Variants in TBC1D22A observed in about 807,000 individuals in gnomAD.
The protein encoded by TBC1D22A is putative GTPase activator.
Under a neutral mutation model 60.2 loss-of-function variants are expected in TBC1D22A, and 38 were observed. The ratio of observed to expected loss-of-function variants is 0.63; its 90% CI spans 0.49 to 0.83. TBC1D22A has a LOEUF of 0.83. TBC1D22A is among the 40% of genes least tolerant of loss of function. TBC1D22A has a pLI of 0.00. For missense variants in TBC1D22A, 628 were observed against 701.0 expected (o/e 0.90, Z 1.18); for synonymous variants, 302 against 281.7 (o/e 1.07, Z -0.72).
At chr22:47,035,307 C>A (rs2062618530) in intron 10 of TBC1D22A, among the ~76,000 whole-genome samples, 1 of 152,160 alleles carries the variant, frequency 6.6e-6, no homozygotes, top group African/African-American at 2.4e-5. Context: ...AGAGGCAGCG[C>A]ACAGTGGTGG....
intron 11 of TBC1D22A, among the ~76,000 whole-genome samples, chr22:47,071,262 C>T (rs1456924777): frequency 6.6e-6 from 1 of 152,240 alleles, no homozygotes; most frequent in African/African-American, 2.4e-5. Flanking sequence ...TTTAAGCCTC[C>T]CAGGAGCTTG....
chr22:47,129,683 A>G (rs2066613690), intron 12 of TBC1D22A, among the ~76,000 whole-genome samples: 1 of 152,208 alleles, frequency 6.6e-6, no homozygotes, highest in African/African-American at 2.4e-5. Flanking sequence ...GGCTGTTCCC[A>G]AGTATTAATG....
At chr22:46,846,614 C>G (rs535315929) in intron 4 of TBC1D22A, among the ~76,000 whole-genome samples, 16 of 152,344 alleles carry the variant, frequency 1.1e-4, no homozygotes, top group South Asian at 6.2e-4. Flanking sequence ...AAATTTCAAA[C>G]ATGCACAAAG....
chr22:46,920,294 G>A (rs897278066), intron 8 of TBC1D22A, among the ~76,000 whole-genome samples: 28 of 152,016 alleles, frequency 1.8e-4, no homozygotes, highest in African/African-American at 6.3e-4. Flanking sequence ...GCCCTGGTTG[G>A]TCTCAAACTC....
rs111911127 is a variant in TBC1D22A at position 46,853,893 on chromosome 22, CTCAGGGA to C, written c.638-24756_638-24750del. On this transcript the variant is annotated intron_variant, in intron 4 of 12. Coordinates refer to ENST00000337137, the MANE Select transcript of TBC1D22A (RefSeq NM_014346.5). ...GAAAGCACATGAGACTCTTTTCTGC[CTCAGGGA>C]TCACTTTCTCAGCCATGCCGCATGA... Among the ~76,000 whole-genome samples the C allele has an allele frequency of 5.8e-4, 89 of 152,294 alleles. 1 individual carries two copies. Among genetic ancestry groups the C allele is most frequent in the African/African-American group, 2.0e-3 (84 of 41,562 alleles).
intron 12 of TBC1D22A, among the ~76,000 whole-genome samples, chr22:47,121,383 A>T (rs1256956799): frequency 1.3e-5 from 2 of 152,162 alleles, no homozygotes; most frequent in Non-Finnish European, 2.9e-5. Flanking sequence ...TGGAAAAACA[A>T]ATTGGCAGCA....
intron 12 of TBC1D22A, among the ~76,000 whole-genome samples, chr22:47,127,429 C>T (rs1458313421): frequency 1.2e-4 from 16 of 137,340 alleles, no homozygotes; most frequent in Admixed American, 3.2e-4. Context: ...TTAGTAGAGA[C>T]GGCCAGGCTG....
intron 11 of TBC1D22A, among the ~76,000 whole-genome samples, chr22:47,038,642 G>A (rs1686564537): frequency 6.6e-6 from 1 of 152,238 alleles, no homozygotes; most frequent in Non-Finnish European, 1.5e-5. Flanking sequence ...CCTGACACCG[G>A]TTGCTGGTCA....
At chr22:47,003,978 A>C (rs913996055) in intron 10 of TBC1D22A, among the ~76,000 whole-genome samples, 4 of 129,824 alleles carry the variant, frequency 3.1e-5, no homozygotes, top group Non-Finnish European at 3.2e-5. Flanking sequence ...TACACACCCT[A>C]CGCACACATG....
At chr22:46,878,627 T>A in intron 4 of TBC1D22A, 26 bp from the exon 5 acceptor site, 1 of 1,612,200 alleles carries the variant, frequency 6.2e-7, no homozygotes, top group Non-Finnish European at 8.5e-7. Context: ...AATCTTGTTT[T>A]TCCTTGTCTC....
intron 11 of TBC1D22A, among the ~76,000 whole-genome samples, chr22:47,080,742 GAAATGA>G (rs979767526): frequency 1.3e-5 from 2 of 151,932 alleles, no homozygotes; most frequent in African/African-American, 4.8e-5. Flanking sequence ...TAGAGGGAAG[GAAATGA>G]AAATGAAAAG....
chr22:47,090,704 C>A (rs2064886631), intron 11 of TBC1D22A, among the ~76,000 whole-genome samples: 1 of 151,808 alleles, frequency 6.6e-6, no homozygotes, highest in Non-Finnish European at 1.5e-5. Flanking sequence ...TAGAGACAGG[C>A]ACTAGAAGTC....
At chr22:46,888,824 G>A (rs1298734511) in intron 5 of TBC1D22A, among the ~76,000 whole-genome samples, 5 of 152,196 alleles carry the variant, frequency 3.3e-5, no homozygotes, top group Non-Finnish European at 7.3e-5. Context: ...TCCTGCCTCA[G>A]CCTCCTGAGT....
chr22:47,166,723 C>T (rs543410694), intron 12 of TBC1D22A, among the ~76,000 whole-genome samples: 48 of 152,330 alleles, frequency 3.2e-4, no homozygotes, highest in African/African-American at 7.9e-4. Flanking sequence ...GAGTGGGGCC[C>T]GGCATGAGGC....
intron 12 of TBC1D22A, among the ~76,000 whole-genome samples, chr22:47,171,294 C>T (rs569059566): frequency 6.6e-6 from 1 of 152,222 alleles, no homozygotes; most frequent in Non-Finnish European, 1.5e-5. Context: ...CTGTGGCCCT[C>T]CCTGTCCCTT....
intron 1 of TBC1D22A, among the ~76,000 whole-genome samples, chr22:46,780,107 A>G (rs2083875322): frequency 6.6e-6 from 1 of 152,218 alleles, no homozygotes; most frequent in African/African-American, 2.4e-5. Flanking sequence ...GGGGAGTATC[A>G]CCATGTGTTA....
At chr22:47,114,479 C>T (rs2065959941) in intron 12 of TBC1D22A, among the ~76,000 whole-genome samples, 1 of 152,030 alleles carries the variant, frequency 6.6e-6, no homozygotes, top group African/African-American at 2.4e-5. Flanking sequence ...CTGTGAGTGC[C>T]ACAATGTGTT....
At position 46,892,753 on chromosome 22, in the gene TBC1D22A, G is replaced by A. The variant is rs191885356; in HGVS notation, c.837+1359G>A. Among the ~76,000 whole-genome samples the A allele has an allele frequency of 3.6e-4, 55 of 152,312 alleles. 1 individual carries two copies. The East Asian group carries it at 8.5e-3, about 23-fold the overall frequency. ...CATCTATCTGCGAGTTTTACCAAGT[G>A]GAATTCTGTTATGAGTGTTGGAAGA... On this transcript the variant is annotated intron_variant, in intron 6 of 12. Transcript: ENST00000337137.
At chr22:47,062,068 A>T (rs2063595977) in intron 11 of TBC1D22A, among the ~76,000 whole-genome samples, 1 of 145,934 alleles carries the variant, frequency 6.9e-6, no homozygotes, top group Admixed American at 7.0e-5. Context: ...AGCCTGGGCG[A>T]CAGAGCAAGA....
Sources: gnomAD v4.1 joint callset for allele counts (sites outside exome capture counted in the v4.1 genomes callset) on GRCh38, gnomAD v4.1.1 for gene constraint, MANE v1.5 for transcripts, NCBI Gene and HGNC (gene_info 2026-07-23, HGNC 2026-07-21) for gene names.